PRIM2: variants seen among roughly 807,000 people sequenced by gnomAD.
The protein encoded by PRIM2 is DNA primase subunit 2.
Under a neutral mutation model 67.3 loss-of-function variants are expected in PRIM2, and 39 were observed. That is an observed-to-expected ratio of 0.58 (90% CI 0.45 to 0.76). The LOEUF is 0.76. Ranked by LOEUF, PRIM2 falls within the 30% of genes least tolerant of loss-of-function variation. The pLI is 0.00. For missense variants in PRIM2, 398 were observed against 598.7 expected, an observed-to-expected ratio of 0.66 and a Z score of 3.50; for synonymous variants, 143 against 198.7, an observed-to-expected ratio of 0.72 and a Z score of 2.36.
At chr6:57,425,811 G>T (rs1393158210) in intron 7 of PRIM2, among the ~76,000 whole-genome samples, 3 of 152,036 alleles carry the variant, frequency 2.0e-5, no homozygotes, top group Non-Finnish European at 4.4e-5. Flanking sequence ...CAGATATAGT[G>T]TACCTTTTTA....
At chr6:57,628,701 C>T (rs1776995831) in intron 12 of PRIM2, among the ~76,000 whole-genome samples, 1 of 152,058 alleles carries the variant, frequency 6.6e-6, no homozygotes, top group Non-Finnish European at 1.5e-5. Context: ...CATGTATAAC[C>T]AATGTTTAGC....
At chr6:57,604,701 T>A (rs1462243321) in intron 11 of PRIM2, among the ~76,000 whole-genome samples, 21 of 151,366 alleles carry the variant, frequency 1.4e-4, no homozygotes, top group African/African-American at 3.4e-4. Context: ...TTTTTTTTTT[T>A]AAATTTTGAG....
chr6:57,576,863 A>G (rs1224716138), intron 10 of PRIM2, among the ~76,000 whole-genome samples: 3 of 151,080 alleles, frequency 2.0e-5, no homozygotes, highest in Non-Finnish European at 4.4e-5. Flanking sequence ...TGAACTATAT[A>G]ATAAAACATC....
intron 7 of PRIM2, among the ~76,000 whole-genome samples, chr6:57,418,954 A>C (rs536613689): frequency 1.3e-5 from 2 of 152,250 alleles, no homozygotes; most frequent in Admixed American, 6.5e-5. Context: ...GTACTTTAGA[A>C]TACTGAGATT....
intron 7 of PRIM2, among the ~76,000 whole-genome samples, chr6:57,428,519 C>T (rs1771706912): frequency 6.6e-6 from 1 of 152,086 alleles, no homozygotes; most frequent in East Asian, 1.9e-4. Flanking sequence ...TTCAGTAGGG[C>T]TCCCTATTCA....
At chr6:57,592,370 T>A (rs1184373462) in intron 10 of PRIM2, among the ~76,000 whole-genome samples, 9 of 152,244 alleles carry the variant, frequency 5.9e-5, no homozygotes, top group African/African-American at 2.2e-4. Flanking sequence ...TATACATGGC[T>A]CTTTTGCCTC....
In PRIM2 at chr6:57,443,365, C is replaced by T. The variant is rs1389397822; in HGVS notation, c.693+61197C>T. ...TTGCTGTATTAGTTTACATTCCTGC[C>T]AACGGTTTACAAGTGTTCCCTTTTA... On this transcript the variant is annotated intron_variant, in intron 7 of 13. Coordinates refer to ENST00000615550, the MANE Select transcript of PRIM2 (RefSeq NM_000947.5). 3.3e-5 allele frequency among the ~76,000 whole-genome samples: 5 copies of T among 152,132 alleles called. No homozygotes were observed. The East Asian group carries it at 9.6e-4, about 29-fold the overall frequency.
At chr6:57,640,946 A>AG (rs1777221439) in intron 13 of PRIM2, among the ~76,000 whole-genome samples, 1 of 150,986 alleles carries the variant, frequency 6.6e-6, no homozygotes, top group Non-Finnish European at 1.5e-5. Context: ...AAAAACAAAA[A>AG]AAAAACAACG....
chr6:57,394,940 A>C, intron 7 of PRIM2, among the ~76,000 whole-genome samples: 1 of 151,940 alleles, frequency 6.6e-6, no homozygotes. Context: ...TTTGTTTTTA[A>C]TTCTGTGTAT....
At chr6:57,385,491 A>AT (rs1770112838) in intron 7 of PRIM2, among the ~76,000 whole-genome samples, 3 of 152,180 alleles carry the variant, frequency 2.0e-5, no homozygotes. Context: ...CAAACAGAAC[A>AT]TTTTCCTGCA....
chr6:57,623,795 C>A (rs1460865755), intron 12 of PRIM2, among the ~76,000 whole-genome samples: 34 of 151,896 alleles, frequency 2.2e-4, no homozygotes, highest in Non-Finnish European at 8.8e-5. Flanking sequence ...TCATTTCATT[C>A]TTCTTGGTGG....
intron 5 of PRIM2, among the ~76,000 whole-genome samples, chr6:57,341,748 A>G (rs939253439): frequency 6.6e-6 from 1 of 152,184 alleles, no homozygotes; most frequent in African/African-American, 2.4e-5. Flanking sequence ...AGTTACTAGC[A>G]TTTGTTTCAT....
At chr6:57,549,374 G>T (rs1340321552) in intron 10 of PRIM2, among the ~76,000 whole-genome samples, 1 of 152,106 alleles carries the variant, frequency 6.6e-6, no homozygotes, top group African/African-American at 2.4e-5. Flanking sequence ...TTAGACCCAG[G>T]TCTATTTTAT....
intron 8 of PRIM2, among the ~76,000 whole-genome samples, chr6:57,527,085 GTGAA>G (rs1338590992): frequency 6.6e-6 from 1 of 152,140 alleles, no homozygotes; most frequent in Non-Finnish European, 1.5e-5. Context: ...ATGAGCCAAT[GTGAA>G]TTGCTTTTAA....
At chr6:57,478,154 C>A (rs1773523011) in intron 7 of PRIM2, among the ~76,000 whole-genome samples, 1 of 152,102 alleles carries the variant, frequency 6.6e-6, no homozygotes, top group South Asian at 2.1e-4. Flanking sequence ...CTTGATTAAT[C>A]CCCTTATCTG....
chr6:57,269,374 C>G, the PRIM2 span, among the ~76,000 whole-genome samples: 55 of 152,070 alleles, frequency 3.6e-4, no homozygotes, highest in Non-Finnish European at 1.6e-4. Flanking sequence ...TTGCATTTCT[C>G]TGATGGCCAG....
At chr6:57,462,638 T>G (rs1271949540) in intron 7 of PRIM2, among the ~76,000 whole-genome samples, 8 of 152,224 alleles carry the variant, frequency 5.3e-5, no homozygotes, top group African/African-American at 1.7e-4. Context: ...AAGAGCTCTG[T>G]TGTAGGGAGT....
intron 5 of PRIM2, among the ~76,000 whole-genome samples, chr6:57,336,472 A>G (rs369323975): frequency 5.3e-5 from 8 of 152,244 alleles, no homozygotes; most frequent in East Asian, 1.9e-4. Context: ...AGGTTGGGTT[A>G]CCCTCAAAGG....
At chr6:57,412,584 A>C (rs1320534758) in intron 7 of PRIM2, among the ~76,000 whole-genome samples, 1 of 151,942 alleles carries the variant, frequency 6.6e-6, no homozygotes, top group Non-Finnish European at 1.5e-5. Context: ...AGCTGGTTCA[A>C]CTCTTCAATT....
Sources: gnomAD v4.1 joint callset for allele counts (sites outside exome capture counted in the v4.1 genomes callset) on GRCh38, gnomAD v4.1.1 for gene constraint, MANE v1.5 for transcripts, NCBI Gene and HGNC (gene_info 2026-07-23, HGNC 2026-07-21) for gene names.